The following MACROD2 variants were observed in gnomAD, a reference collection of about 807,000 sequenced individuals.
The protein encoded by MACROD2 is mono-ADP ribosylhydrolase 2.
Under a neutral mutation model 70.4 loss-of-function variants are expected in MACROD2, and 36 were observed. The ratio of observed to expected loss-of-function variants is 0.51; its 90% CI spans 0.39 to 0.68. The LOEUF is 0.68. Ranked by LOEUF, MACROD2 falls within the 30% of genes least tolerant of loss-of-function variation. The pLI, the probability that MACROD2 is intolerant of heterozygous loss-of-function variation, is 0.00. For synonymous variants in MACROD2, 172 were observed against 178.8 expected, an observed-to-expected ratio of 0.96 and a Z score of 0.30; for missense variants, 496 against 538.4, an observed-to-expected ratio of 0.92 and a Z score of 0.78.
chr20:15,643,941 G>C (rs531153629), intron 8 of MACROD2, among the ~76,000 whole-genome samples: 1 of 152,234 alleles, frequency 6.6e-6, no homozygotes, highest in Non-Finnish European at 1.5e-5. Context: ...TCTGTTTCTA[G>C]ACAAGAGGAT....
chr20:15,362,286 GC>G (rs1266646429), intron 6 of MACROD2, among the ~76,000 whole-genome samples: 2 of 151,950 alleles, frequency 1.3e-5, no homozygotes, highest in Admixed American at 6.6e-5. Flanking sequence ...GAACCACCGT[GC>G]CCAGCCTATT....
chr20:15,023,690 AAC>A (rs2075207754), intron 5 of MACROD2, among the ~76,000 whole-genome samples: 1 of 152,140 alleles, frequency 6.6e-6, no homozygotes, highest in African/African-American at 2.4e-5. Context: ...GATCTCGTGA[AAC>A]TTATTCACTA....
intron 4 of MACROD2, chr20:14,622,768 A>G (rs971396628): frequency 1.3e-5 from 2 of 152,238 alleles, no homozygotes; most frequent in African/African-American, 2.4e-5. Context: ...GACAATCAGT[A>G]TACCACAGTT....
chr20:15,982,033 G>T lies in MACROD2; in HGVS notation c.986-4694G>T, dbSNP rs148975315. 1.9e-3 allele frequency among the ~76,000 whole-genome samples: 288 copies of T among 150,494 alleles called. 1 individual carries two copies. Among genetic ancestry groups the T allele is most frequent in the African/African-American group, 6.7e-3 (273 of 40,888 alleles). ...ATCAGAGAACCGCATCTTATTCTAT[G>T]CTGCTTACTATCAATAGCAGCACAA... is the stretch of plus-strand genomic sequence containing the variant. On this transcript the variant is annotated intron_variant, in intron 13 of 17. Transcript: ENST00000684519.
In MACROD2 at chr20:15,293,592, G is replaced by T. The variant is rs149353968; in HGVS notation, c.540+63531G>T. Among the ~76,000 whole-genome samples, 512 of 152,330 alleles carry T rather than the reference G, an allele frequency of 3.4e-3. 4 individuals are homozygous for T. The highest frequency in any genetic ancestry group is 0.011 in the African/African-American group (472 of 41,580). On this transcript the variant is annotated intron_variant, in intron 6 of 17. Transcript: ENST00000684519. Reference sequence around the variant, plus strand: ...ATTGTGCCTGAGGGCACATGAAATGGAAATAACTATTTCCTAATCAATAAG... The same window carrying T: ...ATTGTGCCTGAGGGCACATGAAATGTAAATAACTATTTCCTAATCAATAAG...
At chr20:14,136,538 A>G (rs1193990242) in intron 3 of MACROD2, among the ~76,000 whole-genome samples, 1 of 152,194 alleles carries the variant, frequency 6.6e-6, no homozygotes, top group Non-Finnish European at 1.5e-5. Context: ...GCGGTTCTCC[A>G]AGTACGGTGC....
chr20:15,897,560 T>A lies in MACROD2; in HGVS notation c.775+11749T>A, dbSNP rs2064992458. ...GACTTTTAACCCATATCGCATTTTG[T>A]CCTCTGTATCTCTTCTCTCTCTGAT... On this transcript the variant is annotated intron_variant, in intron 10 of 17. Coordinates refer to ENST00000684519, the MANE Select transcript of MACROD2 (RefSeq NM_001351661.2). Among the ~76,000 whole-genome samples the A allele has an allele frequency of 2.0e-5, 3 of 152,154 alleles. No individual in the cohort carries two copies. The South Asian group carries it at 6.2e-4, about 31-fold the overall frequency.
At chr20:15,642,597 AACACACACACAC>A (rs56698663) in intron 8 of MACROD2, among the ~76,000 whole-genome samples, 5,927 of 147,016 alleles carry the variant, frequency 0.04, 332 homozygotes, top group East Asian at 0.18. Flanking sequence ...ACCTGTCATG[AACACACACACAC>A]ACACACACAC....
chr20:15,757,373 T>A (rs1600848719), intron 8 of MACROD2, among the ~76,000 whole-genome samples: 2 of 96,088 alleles, frequency 2.1e-5, no homozygotes, highest in South Asian at 5.3e-4. Flanking sequence ...AGTAGGGCAA[T>A]TTTTTTTTTT....
intron 5 of MACROD2, among the ~76,000 whole-genome samples, chr20:15,033,246 A>G (rs1257488056): frequency 6.6e-6 from 1 of 152,236 alleles, no homozygotes; most frequent in East Asian, 1.9e-4. Context: ...ATTTTACCAC[A>G]ATTAAAAATG....
intron 5 of MACROD2, among the ~76,000 whole-genome samples, chr20:14,846,153 A>C (rs1312398562): frequency 6.6e-6 from 1 of 152,180 alleles, no homozygotes; most frequent in Non-Finnish European, 1.5e-5. Flanking sequence ...ACATGATATT[A>C]TTAGACTCCT....
chr20:14,330,227 A>G (rs1234994405), intron 3 of MACROD2, among the ~76,000 whole-genome samples: 1 of 152,056 alleles, frequency 6.6e-6, no homozygotes, highest in Non-Finnish European at 1.5e-5. Context: ...TAAAGAGATC[A>G]TTGAATTTAA....
chr20:15,936,509 CTATA>C (rs970640294), intron 11 of MACROD2, among the ~76,000 whole-genome samples: 11 of 146,222 alleles, frequency 7.5e-5, no homozygotes, highest in Admixed American at 6.9e-5. Flanking sequence ...TATATATACT[CTATA>C]TATACACATG....
At chr20:14,586,579 G>A (rs1279732663) in intron 4 of MACROD2, among the ~76,000 whole-genome samples, 2 of 152,056 alleles carry the variant, frequency 1.3e-5, no homozygotes, top group African/African-American at 4.8e-5. Flanking sequence ...GTAGTTAACT[G>A]ATTCTGAATA....
At chr20:14,361,341 G>A (rs138684161) in intron 3 of MACROD2, among the ~76,000 whole-genome samples, 4 of 152,244 alleles carry the variant, frequency 2.6e-5, no homozygotes, top group East Asian at 3.9e-4. Flanking sequence ...CCACTGTGAC[G>A]TGAGGAAACT....
intron 5 of MACROD2, among the ~76,000 whole-genome samples, chr20:14,842,196 A>G (rs935328498): frequency 2.6e-5 from 4 of 151,962 alleles, no homozygotes; most frequent in Admixed American, 1.3e-4. Flanking sequence ...TTCTTTTATA[A>G]CTGTCCCACT....
intron 5 of MACROD2, among the ~76,000 whole-genome samples, chr20:14,908,345 A>T (rs372679416): frequency 9.3e-5 from 14 of 149,844 alleles, no homozygotes; most frequent in East Asian, 8.0e-4. Context: ...TATCTCAAAA[A>T]AAATAAATAA....
At chr20:15,192,066 AACT>A (rs2076576300) in intron 5 of MACROD2, among the ~76,000 whole-genome samples, 3 of 137,364 alleles carry the variant, frequency 2.2e-5, no homozygotes, top group East Asian at 2.1e-4. Context: ...ATCTATCTAA[AACT>A]CTCTCTCTCT....
At chr20:15,345,454 T>C (rs1328287047) in intron 6 of MACROD2, among the ~76,000 whole-genome samples, 2 of 152,306 alleles carry the variant, frequency 1.3e-5, no homozygotes, top group East Asian at 1.9e-4. Context: ...ATAATGGATA[T>C]TGGGCACACT....
Sources: allele counts gnomAD v4.1 joint callset (sites outside exome capture counted in the v4.1 genomes callset), GRCh38; gene constraint gnomAD v4.1.1; transcripts MANE v1.5; gene names NCBI Gene and HGNC (gene_info 2026-07-23, HGNC 2026-07-21).